The following HIPK4 variants were observed in gnomAD, a reference collection of about 807,000 sequenced individuals.
HIPK4 encodes homeodomain interacting protein kinase 4, also known as homeodomain-interacting protein kinase 4.
A neutral mutation model predicts 44.8 loss-of-function variants in HIPK4; 26 were observed. The ratio of observed to expected loss-of-function variants is 0.58; its 90% confidence interval spans 0.43 to 0.80. HIPK4 has a LOEUF of 0.80. HIPK4 is among the 30% of genes least tolerant of loss of function. The pLI is 0.00. For synonymous variants in HIPK4, 340 were observed against 355.5 expected, an observed-to-expected ratio of 0.96 and a Z score of 0.49; for missense variants, 729 against 862.6, an observed-to-expected ratio of 0.85 and a Z score of 1.94.
At chr19:40,388,186 T>G (rs990085999) in intron 1 of HIPK4, among the ~76,000 whole-genome samples, 4 of 151,836 alleles carry the variant, frequency 2.6e-5, no homozygotes, top group African/African-American at 9.7e-5. Context: ...CCCGGCTAAT[T>G]TTTATACTTT....
chr19:40,385,392 GT>G (rs2079358138), intron 1 of HIPK4, among the ~76,000 whole-genome samples: 1 of 152,136 alleles, frequency 6.6e-6, no homozygotes, highest in Non-Finnish European at 1.5e-5. Context: ...AGCCACAAGG[GT>G]CTCCTCACTA....
chr19:40,382,314 G>A (rs764013425), intron 2 of HIPK4, among the ~76,000 whole-genome samples: 7 of 151,930 alleles, frequency 4.6e-5, no homozygotes, highest in East Asian at 1.9e-4. Flanking sequence ...TTGCTATGTC[G>A]CCCACAATGA....
rs904653733 is a variant in HIPK4, at chr19:40,379,796, G to A, written c.1669-27C>T. ...TGTGGGGGAAGAGAGAGGGGCATCA[G>A]CCAAGCAGTGTTAGTGTATTAGTGT... On this transcript the variant is annotated intron_variant, in intron 3 of 3. Coordinates refer to ENST00000291823, the MANE Select transcript of HIPK4 (RefSeq NM_144685.5). 3.8e-6 allele frequency: 6 copies of A among 1,599,006 alleles called. 1 individual carries two copies. In the Admixed American group the frequency reaches 9.0e-5, roughly 24 times the overall value.
chr19:40,383,575 G>A (rs1220785442), intron 2 of HIPK4, among the ~76,000 whole-genome samples: 1 of 151,858 alleles, frequency 6.6e-6, no homozygotes, highest in Non-Finnish European at 1.5e-5. Context: ...ATACCACCGT[G>A]CCCAGCTGAT....
Position 40,389,718 on chromosome 19 carries a change from A to G in HIPK4, c.185T>C (p.Met62Thr), listed in dbSNP as rs1266566496. The stretch of plus-strand genomic sequence containing the variant: ...GGCCTCTTCAGGGTCTAGGCCTCGC[A>G]TGCAGTGCAGCAGCTTCAGCTCGTT... ...IKNELKLLHC[M>T]RGLDPEEAHV... The change falls in exon 1 of 4, where the codon ATG becomes ACG. Residue 62 changes from methionine to threonine, a missense_variant. By Grantham distance (81) the Met-to-Thr change is moderately conservative (BLOSUM62 -1). This residue lies in a region of HIPK4 where 196 missense variants were observed against 295.1 expected (regional missense o/e 0.66). Coordinates refer to ENST00000291823, the MANE Select transcript of HIPK4 (RefSeq NM_144685.5). The surrounding 1 kb of genome is among the most constrained non-coding windows in gnomAD (Gnocchi z 4.6). 1 of 1,614,108 alleles carries G rather than the reference A, an allele frequency of 6.2e-7. No homozygotes were observed. Among genetic ancestry groups the G allele is most frequent in the Non-Finnish European group, 8.5e-7 (1 of 1,180,046 alleles).
chr19:40,385,995 G>A (rs866132150), intron 1 of HIPK4, among the ~76,000 whole-genome samples: 1 of 151,368 alleles, frequency 6.6e-6, no homozygotes, highest in Non-Finnish European at 1.5e-5. Context: ...GTGAGCCACC[G>A]CACCCAGGTC....
At position 40,380,298 on chromosome 19, in the gene HIPK4, C is replaced by T. The variant is rs906675865; in HGVS notation, c.1668+25G>A. ...GTGCTGAGCCTCCTCCCACCCTAAT[C>T]GTATCCTGAACGCACCCGGCTCACC... is the stretch of plus-strand genomic sequence containing the variant. On this transcript the variant is annotated intron_variant, in intron 3 of 3. Coordinates refer to ENST00000291823, the MANE Select transcript of HIPK4 (RefSeq NM_144685.5). The surrounding 1 kb of genome is among the most constrained non-coding windows in gnomAD (Gnocchi z 4.2). 8 of 1,605,218 alleles carry T rather than the reference C, an allele frequency of 5.0e-6. No homozygotes were observed. Among genetic ancestry groups the T allele is most frequent in the African/African-American group, 2.7e-5 (2 of 74,800 alleles).
chr19:40,386,520 A>AT (rs1452038101), intron 1 of HIPK4, among the ~76,000 whole-genome samples: 1 of 151,760 alleles, frequency 6.6e-6, no homozygotes, highest in African/African-American at 2.4e-5. Context: ...TACCCAGCTA[A>AT]TTTTTTAACT....
In HIPK4 at chr19:40,380,648, T is replaced by C. The variant is rs367871526; in HGVS notation, c.1343A>G (p.Asn448Ser). ...GGGGACCATCATGTCGGAGACCGCA[T>C]TGGTGCAGGTCTCACCCCACAGCCC... The part of the protein sequence containing the change: ...GHGLWGETCT[N>S]AVSDMMVPLK... The change falls in exon 3 of 4, where the codon AAT becomes AGT. Residue 448 changes from asparagine (N) to serine (S), a missense_variant. Physicochemically the swap from Asn to Ser is conservative, Grantham distance 46. Transcript: ENST00000291823. The surrounding 1 kb of genome is among the most constrained non-coding windows in gnomAD (Gnocchi z 4.2). The C allele has an allele frequency of 8.7e-6, 14 of 1,613,732 alleles. No homozygotes were observed. The African/African-American group carries it at 9.3e-5, about 11-fold the overall frequency.
intron 1 of HIPK4, among the ~76,000 whole-genome samples, chr19:40,388,420 C>A (rs947680826): frequency 6.6e-6 from 1 of 152,186 alleles, no homozygotes; most frequent in Non-Finnish European, 1.5e-5. Context: ...GGCTGAGTGA[C>A]CCTGGGCACT....
In HIPK4 at chr19:40,389,246, A is replaced by C. The variant is rs923488568; in HGVS notation, c.465+192T>G. On this transcript the variant is annotated intron_variant, in intron 1 of 3. Transcript: ENST00000291823. The surrounding 1 kb of genome is among the most constrained non-coding windows in gnomAD (Gnocchi z 4.6). The stretch of plus-strand genomic sequence containing the variant: ...AGGCTGAGGCAGGATAATCACTTGA[A>C]CCCAGGAGGCGGAGTTGCAGTGAGC... Among the ~76,000 whole-genome samples, 1 of 152,034 alleles carries C rather than the reference A, an allele frequency of 6.6e-6. No homozygotes were observed. The highest frequency in any genetic ancestry group is 2.4e-5 in the African/African-American group (1 of 41,386).
rs2079323270 is a variant in HIPK4, at chr19:40,380,008, A to G, written c.1669-239T>C. Among the ~76,000 whole-genome samples the G allele has an allele frequency of 6.6e-6, 1 of 152,110 alleles. No homozygotes were observed. Among genetic ancestry groups the G allele is most frequent in the African/African-American group, 2.4e-5 (1 of 41,404 alleles). On this transcript the variant is annotated intron_variant, in intron 3 of 3. Transcript: ENST00000291823. This position sits in a 1 kb window ranked among gnomAD's most constrained non-coding sequence, Gnocchi z 4.2. The stretch of plus-strand genomic sequence containing the variant: ...TGGGACTACAGGTGCATGCCACCAA[A>G]ACCAGCTAATATTTCTAATTTTTTG...
Position 40,383,885 on chromosome 19 carries a change from G to A in HIPK4, c.720C>T (p.His240=), listed in dbSNP as rs1488232422. 2.0e-5 allele frequency: 33 copies of A among 1,614,032 alleles called. No individual in the cohort carries two copies. The highest frequency in any genetic ancestry group is 2.3e-5 in the Non-Finnish European group (27 of 1,180,028). ...TQGLPKPHLL[H]AACKAHHFFK... is the part of the protein sequence containing the mutation. The stretch of plus-strand genomic sequence containing the variant: ...AGAAGTGGTGGGCCTTGCAGGCGGC[G>A]TGCAACAGGTGTGGCTTGGGCAGGC... The change falls in exon 2 of 4, where the codon CAC becomes CAT. Residue 240 remains histidine (H), a synonymous_variant. Transcript: ENST00000291823.
chr19:40,379,785 G>A lies in HIPK4; in HGVS notation c.1669-16C>T. The A allele has an allele frequency of 6.2e-7, 1 of 1,603,944 alleles. No individual in the cohort carries two copies. The highest frequency in any genetic ancestry group is 1.1e-5 in the South Asian group (1 of 89,628). ...GGTCTGGCCTCTGTGGGGGAAGAGAGAGGGGCATCAGCCAAGCAGTGTTAG... is the reference window on the plus strand; with the variant it reads ...GGTCTGGCCTCTGTGGGGGAAGAGAAAGGGGCATCAGCCAAGCAGTGTTAG... On this transcript the variant is annotated splice_polypyrimidine_tract_variant and intron_variant, in intron 3 of 3. Transcript: ENST00000291823.
chr19:40,386,186 C>T (rs2079362521), intron 1 of HIPK4, among the ~76,000 whole-genome samples: 1 of 152,094 alleles, frequency 6.6e-6, no homozygotes, highest in Non-Finnish European at 1.5e-5. Flanking sequence ...TCTCCTGCCT[C>T]AGCCTCCTGA....
chr19:40,384,101 C>A lies in HIPK4; in HGVS notation c.504G>T (p.Val168=). ...DFGSASIFSE[V]RYVKEPYIQS... is the part of the protein sequence containing the mutation. ...GGATGTATGGCTCCTTCACGTAGCG[C>A]ACCTCGCTGAAAATGCTGGCGGATC... The change falls in exon 2 of 4, where the codon GTG becomes GTT. Residue 168 remains valine, a synonymous_variant. Coordinates refer to ENST00000291823, the MANE Select transcript of HIPK4 (RefSeq NM_144685.5). 3 of 1,597,566 alleles carry A rather than the reference C, an allele frequency of 1.9e-6. No individual in the cohort carries two copies. Among genetic ancestry groups the A allele is most frequent in the Non-Finnish European group, 2.6e-6 (3 of 1,168,166 alleles).
chr19:40,388,989 C>T (rs967311875), intron 1 of HIPK4, among the ~76,000 whole-genome samples: 1 of 151,258 alleles, frequency 6.6e-6, no homozygotes, highest in Non-Finnish European at 1.5e-5. Context: ...TGAGACCAGC[C>T]TGGCCAACAT....
chr19:40,384,469 A>T (rs530953999), intron 1 of HIPK4, among the ~76,000 whole-genome samples: 1 of 151,932 alleles, frequency 6.6e-6, no homozygotes, highest in South Asian at 2.1e-4. Context: ...ACACCCGGCT[A>T]ATTTTTTGTA....
Position 40,380,439 on chromosome 19 carries a change from A to G in HIPK4, c.1552T>C (p.Cys518Arg), listed in dbSNP as rs1599641135. 1.2e-6 allele frequency: 2 copies of G among 1,613,922 alleles called. No homozygotes were observed. The highest frequency in any genetic ancestry group is 2.7e-5 in the African/African-American group (2 of 74,916). The stretch of plus-strand genomic sequence containing the variant: ...CCTTCCTCCCAGCTGCTGCCCCGGC[A>G]GGGCCTGTCATCCTCAGGCGAGACC... ...SQVSPEDDRP[C>R]RGSSWEEGEH... The change falls in exon 3 of 4, where the codon TGC (cysteine) becomes CGC (arginine). Residue 518 changes from cysteine to arginine, a missense_variant. Cys to Arg is a radical substitution (Grantham distance 180). This residue lies in a region of HIPK4 where 533 missense variants were observed against 567.5 expected (regional missense o/e 0.94). Coordinates refer to ENST00000291823, the MANE Select transcript of HIPK4 (RefSeq NM_144685.5). This position sits in a 1 kb window ranked among gnomAD's most constrained non-coding sequence, Gnocchi z 4.2.
Sources: gnomAD v4.1 joint callset for allele counts (sites outside exome capture counted in the v4.1 genomes callset) on GRCh38, gnomAD v4.1.1 for gene constraint, gnomAD v4.1.1 regional missense constraint, Gnocchi (gnomAD v3.1) non-coding constraint, MANE v1.5 for transcripts, NCBI Gene and HGNC (gene_info 2026-07-23, HGNC 2026-07-21) for gene names.